The following CHN2 variants were observed in gnomAD, a reference collection of about 807,000 sequenced individuals.
CHN2 encodes chimerin 2.
In CHN2, 35 loss-of-function variants were observed where a neutral mutation model predicts 56.3. The observed-to-expected ratio is 0.62, with a 90% CI of 0.47 to 0.82. CHN2 has a LOEUF of 0.82. CHN2 is among the 40% of genes least tolerant of loss of function. The probability of loss-of-function intolerance (pLI) is 0.00; values close to 1 mark genes in which losing one functional copy is unlikely to be tolerated. For synonymous variants in CHN2, 210 were observed against 212.8 expected (o/e 0.99, Z 0.12); for missense variants, 491 against 580.5 (o/e 0.85, Z 1.58).
At position 29,276,953 on chromosome 7, in the gene CHN2, G is replaced by A. The variant is rs565745319; in HGVS notation, c.50-77672G>A. The stretch of plus-strand genomic sequence containing the variant: ...TTAAATGAATACGCAAGAAGGGCTG[G>A]ACAACTGCAAACAGCCATGCCCCTG... On this transcript the variant is annotated intron_variant, in intron 1 of 12. Coordinates refer to ENST00000222792, the MANE Select transcript of CHN2 (RefSeq NM_004067.4). Among the ~76,000 whole-genome samples, 11 of 152,270 alleles carry A rather than the reference G, an allele frequency of 7.2e-5. No individual in the cohort carries two copies. In the South Asian group the frequency reaches 2.3e-3, roughly 32 times the overall value.
intron 1 of CHN2, among the ~76,000 whole-genome samples, chr7:29,204,063 CTCTCTGTGTGTGTGTG>C (rs1184461475): frequency 9.2e-6 from 1 of 108,830 alleles, no homozygotes; most frequent in Non-Finnish European, 1.8e-5. Flanking sequence ...GTTTTTCTCT[CTCTCTGTGTGTGTGTG>C]TGTGTGTGTG....
At chr7:29,479,574 C>A in intron 6 of CHN2, 1 of 749,772 alleles carries the variant, frequency 1.3e-6, no homozygotes, top group Non-Finnish European at 1.6e-6. Flanking sequence ...GGCTTTACCC[C>A]TATAAGATTA....
chr7:29,432,145 G>A (rs894610851), intron 6 of CHN2, among the ~76,000 whole-genome samples: 2 of 152,120 alleles, frequency 1.3e-5, no homozygotes, highest in Admixed American at 6.5e-5. Flanking sequence ...TGTGAGTGTG[G>A]GATCTAAGAG....
At position 29,314,919 on chromosome 7, in the gene CHN2, A is replaced by G. The variant is rs1239970258; in HGVS notation, c.50-39706A>G. Reference sequence around the variant, plus strand: ...TTAATCAAGCTGCCACTTGATTAAAACGACATCTTGGGTTTATGTGGGCAA... The same window carrying G: ...TTAATCAAGCTGCCACTTGATTAAAGCGACATCTTGGGTTTATGTGGGCAA... On this transcript the variant is annotated intron_variant, in intron 1 of 12. Coordinates refer to ENST00000222792, the MANE Select transcript of CHN2 (RefSeq NM_004067.4). Among the ~76,000 whole-genome samples the G allele has an allele frequency of 3.3e-5, 5 of 151,952 alleles. No individual in the cohort carries two copies. In the East Asian group the frequency reaches 9.7e-4, roughly 29 times the overall value.
intron 6 of CHN2, among the ~76,000 whole-genome samples, chr7:29,415,408 T>C (rs1305567960): frequency 1.3e-5 from 2 of 152,268 alleles, no homozygotes; most frequent in Non-Finnish European, 1.5e-5. Context: ...TGGTTTTCTG[T>C]GCTGGTACAT....
rs962632139 is a variant in CHN2 at position 29,513,698 on chromosome 7, G to A, written c.*963G>A. ...ATTTTTGCCACATTTCTGTATTGGT[G>A]AAAAGCGAATCTGCAGAATAACTGT... On this transcript the variant is annotated 3_prime_UTR_variant, in exon 13 of 13. Transcript: ENST00000222792. 3 of 152,500 alleles carry A rather than the reference G, an allele frequency of 2.0e-5. No individual in the cohort carries two copies. The highest frequency in any genetic ancestry group is 7.2e-5 in the African/African-American group (3 of 41,438). 9.4% of individuals were successfully genotyped at this position (152,500 alleles called of 1,614,324 possible).
chr7:29,298,111 A>G (rs992333475), intron 1 of CHN2, among the ~76,000 whole-genome samples: 8 of 152,176 alleles, frequency 5.3e-5, no homozygotes, highest in African/African-American at 1.9e-4. Context: ...GGGCGGCCTA[A>G]AGCATAAGAA....
At chr7:29,332,049 G>C (rs1480209640) in intron 1 of CHN2, among the ~76,000 whole-genome samples, 1 of 151,986 alleles carries the variant, frequency 6.6e-6, no homozygotes, top group Admixed American at 6.6e-5. Flanking sequence ...GATAATTTGG[G>C]TGAAGATTTG....
intron 6 of CHN2, among the ~76,000 whole-genome samples, chr7:29,448,850 T>A (rs1784208861): frequency 6.6e-6 from 1 of 152,190 alleles, no homozygotes; most frequent in Non-Finnish European, 1.5e-5. Flanking sequence ...TTATAATTGT[T>A]TGTTAGCTTC....
intron 6 of CHN2, among the ~76,000 whole-genome samples, chr7:29,433,362 G>A (rs949324717): frequency 6.6e-6 from 1 of 152,248 alleles, no homozygotes; most frequent in African/African-American, 2.4e-5. Flanking sequence ...AAGGGAGTTG[G>A]CAAGAGCCAA....
intron 1 of CHN2, among the ~76,000 whole-genome samples, chr7:29,316,726 T>A (rs918685873): frequency 2.6e-5 from 4 of 152,088 alleles, no homozygotes; most frequent in Admixed American, 1.3e-4. Flanking sequence ...GTGTGATTTT[T>A]TTTTTTCCAC....
intron 2 of CHN2, among the ~76,000 whole-genome samples, chr7:29,183,584 C>T (rs1233626193): frequency 6.6e-6 from 1 of 150,516 alleles, no homozygotes. Context: ...ACCATGTTGG[C>T]CAGGCTGGTC....
intron 2 of CHN2, chr7:29,147,150 C>T (rs777255674): frequency 1.3e-6 from 1 of 749,096 alleles, no homozygotes; most frequent in Non-Finnish European, 2.1e-6. Flanking sequence ...TATTATTAGC[C>T]ACCACCAGGT....
intron 2 of CHN2, among the ~76,000 whole-genome samples, chr7:29,170,699 A>G (rs541226833): frequency 2.1e-4 from 32 of 152,334 alleles, no homozygotes; most frequent in East Asian, 5.8e-4. Context: ...GTCTGTTTTC[A>G]CACTGCTGAT....
intron 6 of CHN2, among the ~76,000 whole-genome samples, chr7:29,425,991 A>C (rs992886028): frequency 6.6e-6 from 1 of 151,968 alleles, no homozygotes; most frequent in Non-Finnish European, 1.5e-5. Context: ...CGGATGGATC[A>C]TGAGGTCAGG....
rs986559464 is a variant in CHN2, at chr7:29,437,415, G to A, written c.576+36587G>A. Among the ~76,000 whole-genome samples, 10 of 95,918 alleles carry A rather than the reference G, an allele frequency of 1.0e-4. 3 individuals are homozygous for A. Among genetic ancestry groups the A allele is most frequent in the African/African-American group, 2.9e-4 (5 of 17,478 alleles). The allele number at this position is 95,918 out of a possible 152,430, so 62.9% of individuals were successfully genotyped here. On this transcript the variant is annotated intron_variant, in intron 6 of 12. Coordinates refer to ENST00000222792, the MANE Select transcript of CHN2 (RefSeq NM_004067.4). ...AGATCGAGACCATCCTGGCTAACACGGTGAAACCCCGTCTCTACTAAAAAT... is the reference window on the plus strand; with the variant it reads ...AGATCGAGACCATCCTGGCTAACACAGTGAAACCCCGTCTCTACTAAAAAT...
intron 6 of CHN2, among the ~76,000 whole-genome samples, chr7:29,458,318 A>G (rs1784910922): frequency 6.6e-6 from 1 of 152,022 alleles, no homozygotes; most frequent in Non-Finnish European, 1.5e-5. Context: ...TTATACAACT[A>G]GATCATTGGT....
chr7:29,269,505 A>G (rs1387331240), intron 1 of CHN2, among the ~76,000 whole-genome samples: 1 of 152,214 alleles, frequency 6.6e-6, no homozygotes, highest in East Asian at 1.9e-4. Context: ...TAGTCTTCCA[A>G]TGAACTTGTT....
intron 1 of CHN2, among the ~76,000 whole-genome samples, chr7:29,319,763 T>C (rs778672835): frequency 1.8e-4 from 27 of 152,024 alleles, no homozygotes; most frequent in Non-Finnish European, 3.8e-4. Flanking sequence ...AATATTGCAG[T>C]GTTGGGATTT....
Sources: gnomAD v4.1 joint callset for allele counts (sites outside exome capture counted in the v4.1 genomes callset) on GRCh38, gnomAD v4.1.1 for gene constraint, MANE v1.5 for transcripts, NCBI Gene and HGNC (gene_info 2026-07-23, HGNC 2026-07-21) for gene names.